The following CFAP299 variants were observed in gnomAD, a reference collection of about 807,000 sequenced individuals.
CFAP299 encodes cilia and flagella associated protein 299.
A neutral mutation model predicts 27.0 loss-of-function variants in CFAP299; 21 were observed. The observed-to-expected ratio is 0.78, with a 90% CI of 0.55 to 1.12. The LOEUF is 1.12. CFAP299 is among the 50% of genes most tolerant of loss of function. The pLI is 0.00. For missense variants in CFAP299, 310 were observed against 276.6 expected, an observed-to-expected ratio of 1.12 and a Z score of -0.86; for synonymous variants, 104 against 98.1, an observed-to-expected ratio of 1.06 and a Z score of -0.36.
At chr4:80,593,557 T>C (rs774380591) in intron 3 of CFAP299, among the ~76,000 whole-genome samples, 3 of 152,186 alleles carry the variant, frequency 2.0e-5, no homozygotes, top group African/African-American at 7.2e-5. Context: ...GTCTGTGGGA[T>C]CTATGGTGAT....
intron 2 of CFAP299, among the ~76,000 whole-genome samples, chr4:80,581,320 A>G (rs1736151971): frequency 6.6e-6 from 1 of 151,180 alleles, no homozygotes; most frequent in Non-Finnish European, 1.5e-5. Flanking sequence ...TGGAACACTC[A>G]CTTTTGGACA....
intron 3 of CFAP299, among the ~76,000 whole-genome samples, chr4:80,658,390 T>C (rs1740670811): frequency 6.6e-6 from 1 of 152,196 alleles, no homozygotes; most frequent in African/African-American, 2.4e-5. Flanking sequence ...GCTCTTATTA[T>C]TTTGAGGTAC....
intron 2 of CFAP299, among the ~76,000 whole-genome samples, chr4:80,514,282 A>G (rs1732468128): frequency 6.6e-6 from 1 of 152,060 alleles, no homozygotes; most frequent in South Asian, 2.1e-4. Context: ...CGGCATCTTA[A>G]GGGATCGATA....
intron 3 of CFAP299, among the ~76,000 whole-genome samples, chr4:80,613,427 A>G (rs1738102304): frequency 6.6e-6 from 1 of 152,136 alleles, no homozygotes. Context: ...AAATAGATTT[A>G]AATCATTCAA....
chr4:80,488,907 T>C (rs996886818), intron 2 of CFAP299, among the ~76,000 whole-genome samples: 2 of 152,122 alleles, frequency 1.3e-5, no homozygotes, highest in Non-Finnish European at 2.9e-5. Context: ...GTATTCAGAG[T>C]GGGTACTATA....
chr4:80,364,293 C>T (rs532284881), intron 2 of CFAP299, among the ~76,000 whole-genome samples: 37 of 152,162 alleles, frequency 2.4e-4, no homozygotes, highest in Non-Finnish European at 4.7e-4. Flanking sequence ...TATGATTATA[C>T]GGCTGAGTTC....
intron 3 of CFAP299, among the ~76,000 whole-genome samples, chr4:80,698,449 C>T (rs1431970172): frequency 6.6e-6 from 1 of 152,298 alleles, no homozygotes; most frequent in Admixed American, 6.5e-5. Flanking sequence ...CTTATTAATA[C>T]GTCAAGTTAA....
At chr4:80,755,471 G>C (rs956483124) in intron 3 of CFAP299, among the ~76,000 whole-genome samples, 3 of 152,040 alleles carry the variant, frequency 2.0e-5, no homozygotes, top group Non-Finnish European at 4.4e-5. Context: ...AGAACCATTA[G>C]TCATGTAGAA....
chr4:80,738,143 T>TC (rs1724024358), intron 3 of CFAP299, among the ~76,000 whole-genome samples: 1 of 152,182 alleles, frequency 6.6e-6, no homozygotes, highest in Admixed American at 6.5e-5. Flanking sequence ...TTTTGTGACC[T>TC]AACATATGGA....
intron 3 of CFAP299, among the ~76,000 whole-genome samples, chr4:80,696,074 G>A (rs1721070081): frequency 1.3e-5 from 2 of 151,998 alleles, no homozygotes; most frequent in Admixed American, 6.6e-5. Context: ...GGCCGAGGTG[G>A]GTGGATCATG....
intron 3 of CFAP299, among the ~76,000 whole-genome samples, chr4:80,846,849 T>G (rs142035279): frequency 3.3e-5 from 5 of 152,310 alleles, no homozygotes; most frequent in Non-Finnish European, 5.9e-5. Flanking sequence ...ACCAGCACAC[T>G]GCAAAGTGCT....
intron 2 of CFAP299, among the ~76,000 whole-genome samples, chr4:80,536,022 A>G (rs1733724087): frequency 6.6e-6 from 1 of 152,214 alleles, no homozygotes; most frequent in Admixed American, 6.5e-5. Flanking sequence ...TTTAACATAA[A>G]GAGGTGAAGA....
chr4:80,505,752 G>A (rs1037672609), intron 2 of CFAP299, among the ~76,000 whole-genome samples: 1 of 151,958 alleles, frequency 6.6e-6, no homozygotes, highest in South Asian at 2.1e-4. Flanking sequence ...TTTTTTAATT[G>A]CCTCATAAAG....
intron 1 of CFAP299, 150 bp downstream of exon 1, chr4:80,336,029 G>T (rs1337345603): frequency 1.6e-6 from 1 of 610,092 alleles, no homozygotes. Flanking sequence ...AGCCGCTGGC[G>T]AGGTGAATTG....
intron 1 of CFAP299, among the ~76,000 whole-genome samples, chr4:80,352,290 A>G (rs1174341113): frequency 6.6e-6 from 1 of 152,226 alleles, no homozygotes; most frequent in Non-Finnish European, 1.5e-5. Context: ...GTCAAAGGCC[A>G]GGTGCAGTGA....
At chr4:80,439,252 A>G (rs566860979) in intron 2 of CFAP299, among the ~76,000 whole-genome samples, 7 of 152,332 alleles carry the variant, frequency 4.6e-5, no homozygotes, top group African/African-American at 1.7e-4. Context: ...TTAGGGTTTC[A>G]GGGCAAGATG....
chr4:80,450,910 T>TGA (rs747424603), intron 2 of CFAP299, among the ~76,000 whole-genome samples: 4,980 of 147,524 alleles, frequency 0.034, 109 homozygotes, highest in Non-Finnish European at 0.051. Context: ...TGTGTGTGTG[T>TGA]GAGAGAGAGA....
rs568838541 is a variant in CFAP299, at chr4:80,588,247, G to A, written c.333+5064G>A. On this transcript the variant is annotated intron_variant, in intron 3 of 5. Coordinates refer to ENST00000358105, the MANE Select transcript of CFAP299 (RefSeq NM_152770.3). ...AGCTAAGGACAGTCCTTTCAAGGAG[G>A]GTACAGGTGGGAACCATTAGCTTTT... 8.7e-4 allele frequency among the ~76,000 whole-genome samples: 132 copies of A among 150,940 alleles called. 1 individual carries two copies. The highest frequency in any genetic ancestry group is 1.7e-3 in the Non-Finnish European group (119 of 68,022).
chr4:80,800,165 AC>A lies in CFAP299; in HGVS notation c.334-69827del, dbSNP rs1560418315. On this transcript the variant is annotated intron_variant, in intron 3 of 5. Transcript: ENST00000358105. ...TAAATATATTTATATAATATATAAT[AC>A]ATATAATATATAATAATATGTAATA... 2.4e-3 allele frequency among the ~76,000 whole-genome samples: 162 copies of A among 67,476 alleles called. 1 individual carries two copies. Among genetic ancestry groups the A allele is most frequent in the African/African-American group, 8.6e-3 (132 of 15,394 alleles). 44.3% of individuals were successfully genotyped at this position (67,476 alleles called of 152,430 possible).
Sources: allele counts gnomAD v4.1 joint callset (sites outside exome capture counted in the v4.1 genomes callset), GRCh38; gene constraint gnomAD v4.1.1; transcripts MANE v1.5; gene names NCBI Gene and HGNC (gene_info 2026-07-23, HGNC 2026-07-21).